The following PCSK1 variants were observed in gnomAD, a reference collection of about 807,000 sequenced individuals.
PCSK1 encodes the protein proprotein convertase subtilisin/kexin type 1.
PCSK1 carries 56 observed loss-of-function variants against 90.6 expected under a neutral mutation model. The ratio of observed to expected loss-of-function variants is 0.62; its 90% confidence interval spans 0.50 to 0.77. The LOEUF is 0.77. PCSK1 is among the 30% of genes least tolerant of loss of function. The pLI is 0.00. For synonymous variants in PCSK1, 348 were observed against 342.4 expected, an observed-to-expected ratio of 1.02 and a Z score of -0.18; for missense variants, 801 against 932.6, an observed-to-expected ratio of 0.86 and a Z score of 1.84.
At chr5:96,397,810 A>C (rs1760211199) in intron 11 of PCSK1, among the ~76,000 whole-genome samples, 1 of 152,172 alleles carries the variant, frequency 6.6e-6, no homozygotes, top group South Asian at 2.1e-4. Context: ...AGAGTCAAAA[A>C]TCTAAAAATA....
intron 8 of PCSK1, 50 bp downstream of exon 8, chr5:96,410,724 A>G (rs1760725895): frequency 7.0e-7 from 1 of 1,422,756 alleles, no homozygotes; most frequent in Non-Finnish European, 9.9e-7. Context: ...TTTCACATGC[A>G]TGCCACGCTC....
intron 13 of PCSK1, 134 bp downstream of exon 13, chr5:96,394,730 T>A (rs1429881350): frequency 1.5e-5 from 12 of 793,382 alleles, no homozygotes; most frequent in Admixed American, 1.8e-5. Context: ...AAAAGAATAG[T>A]TTACCACTAT....
chr5:96,398,797 T>C, intron 11 of PCSK1, 82 bp downstream of exon 11: 1 of 1,139,890 alleles, frequency 8.8e-7, no homozygotes. Flanking sequence ...CTTTGTTCTA[T>C]GAATAAACAA....
At chr5:96,395,710 C>T (rs1158430496) in intron 12 of PCSK1, among the ~76,000 whole-genome samples, 1 of 152,080 alleles carries the variant, frequency 6.6e-6, no homozygotes, top group Non-Finnish European at 1.5e-5. Context: ...TTGATGGGTG[C>T]AGCAAACCAC....
At chr5:96,425,067 A>AGAAAGAAAGAAG in intron 3 of PCSK1, among the ~76,000 whole-genome samples, 1 of 146,984 alleles carries the variant, frequency 6.8e-6, no homozygotes, top group Admixed American at 6.8e-5. Flanking sequence ...AAAGAAAGAA[A>AGAAAGAAAGAAG]GAAAGAAAAC....
At chr5:96,414,795 T>C (rs1160289125) in intron 6 of PCSK1, among the ~76,000 whole-genome samples, 1 of 152,238 alleles carries the variant, frequency 6.6e-6, no homozygotes, top group East Asian at 1.9e-4. Flanking sequence ...ATTACATAAT[T>C]TGTGCTTCTC....
At chr5:96,431,183 T>A (rs1761481566) in intron 1 of PCSK1, among the ~76,000 whole-genome samples, 1 of 152,174 alleles carries the variant, frequency 6.6e-6, no homozygotes, top group Non-Finnish European at 1.5e-5. Context: ...ACTCATACCC[T>A]CTTTGGGTCT....
rs1760026840 is a variant in PCSK1 at position 96,393,470 on chromosome 5, G to A, written c.1885-92C>T. On this transcript the variant is annotated intron_variant, in intron 13 of 13. Transcript: ENST00000311106. Reference sequence around the variant, plus strand: ...CAACCCTACCACAGGAACGCTGCCTGCCGCTTGAGAGGCAATGAGGGGAGG... The same window carrying A: ...CAACCCTACCACAGGAACGCTGCCTACCGCTTGAGAGGCAATGAGGGGAGG... 3 of 1,456,122 alleles carry A rather than the reference G, an allele frequency of 2.1e-6. No homozygotes were observed. The South Asian group carries it at 3.5e-5, about 17-fold the overall frequency. The allele number at this position is 1,456,122 out of a possible 1,614,324, so 90.2% of individuals were successfully genotyped here. A position where few individuals can be genotyped will look rare whatever the true frequency, so the allele number is the denominator to read the frequency against.
At chr5:96,405,156 G>T (rs1288153925) in intron 9 of PCSK1, among the ~76,000 whole-genome samples, 1 of 152,128 alleles carries the variant, frequency 6.6e-6, no homozygotes, top group Admixed American at 6.5e-5. Flanking sequence ...ATGTACCTTG[G>T]CAGTAAGGAT....
In PCSK1 at chr5:96,412,277, G is replaced by T. The variant is rs116717033; in HGVS notation, c.882+41C>A. 5,818 of 1,514,236 alleles carry T rather than the reference G, an allele frequency of 3.8e-3. 185 individuals are homozygous for T. In the African/African-American group the frequency reaches 0.07, roughly 18 times the overall value. 93.8% of individuals were successfully genotyped at this position (1,514,236 alleles called of 1,614,324 possible). On this transcript the variant is annotated intron_variant, in intron 7 of 13. Transcript: ENST00000311106. Reference sequence around the variant, plus strand: ...CTTTCCTTCTCCTCATATCCAGATGGTCAGGTTTCATTTCATGTGGGTCTG... The same window carrying T: ...CTTTCCTTCTCCTCATATCCAGATGTTCAGGTTTCATTTCATGTGGGTCTG...
At chr5:96,403,835 G>T (rs1486844105) in intron 9 of PCSK1, among the ~76,000 whole-genome samples, 1 of 152,060 alleles carries the variant, frequency 6.6e-6, no homozygotes, top group African/African-American at 2.4e-5. Flanking sequence ...AGACTTTTTT[G>T]TTGTGATTTT....
intron 2 of PCSK1, among the ~76,000 whole-genome samples, chr5:96,427,911 G>C (rs1308855600): frequency 6.6e-6 from 1 of 152,156 alleles, no homozygotes; most frequent in Non-Finnish European, 1.5e-5. Context: ...AGTAAGGGAA[G>C]ACCTCAGTGG....
chr5:96,425,005 AAGAAAAGAAAGAAAGAAAGAAAG>A (rs1561376187), intron 3 of PCSK1, among the ~76,000 whole-genome samples: 3 of 128,702 alleles, frequency 2.3e-5, no homozygotes, highest in African/African-American at 1.0e-4. Flanking sequence ...AAGAGAAAGA[AAGAAAAGAAAGAAAGAAAGAAAG>A]AAAGAAAGAA....
Position 96,408,294 on chromosome 5 carries a change from C to G in PCSK1, c.1125G>C (p.Thr375=). Residue 375 remains threonine (T), a synonymous_variant, in exon 9 of 14, where the codon ACG becomes ACC. Coordinates refer to ENST00000311106, the MANE Select transcript of PCSK1 (RefSeq NM_000439.5). ...ITSADLHNDC[T]ETHTGTSASA... is the part of the protein sequence containing the mutation. ...AGGCCGAGGTGCCTGTGTGCGTCTCCGTGCAGTCATTGTGCAGGTCAGCGC... is the reference window on the plus strand; with the variant it reads ...AGGCCGAGGTGCCTGTGTGCGTCTCGGTGCAGTCATTGTGCAGGTCAGCGC... The G allele has an allele frequency of 1.2e-6, 2 of 1,613,992 alleles. No homozygotes were observed. Among genetic ancestry groups the G allele is most frequent in the Non-Finnish European group, 1.7e-6 (2 of 1,179,944 alleles).
intron 9 of PCSK1, among the ~76,000 whole-genome samples, chr5:96,404,475 C>T (rs1760489432): frequency 6.6e-6 from 1 of 152,184 alleles, no homozygotes; most frequent in Admixed American, 6.5e-5. Flanking sequence ...GCATATTCAG[C>T]CAGAAACCAT....
intron 12 of PCSK1, among the ~76,000 whole-genome samples, chr5:96,396,285 G>C (rs1431436872): frequency 2.0e-5 from 3 of 152,178 alleles, no homozygotes; most frequent in Non-Finnish European, 4.4e-5. Context: ...TCTAGGCCGG[G>C]TGTGGTGGCT....
At chr5:96,423,529 C>T in intron 3 of PCSK1, 70 bp from the exon 4 acceptor site, 1 of 1,389,092 alleles carries the variant, frequency 7.2e-7, no homozygotes, top group Non-Finnish European at 1.0e-6. Flanking sequence ...CACTTCAGTT[C>T]CAACCTGGAG....
chr5:96,432,741 C>T (rs2112455178), intron 1 of PCSK1, 122 bp downstream of exon 1: 1 of 772,902 alleles, frequency 1.3e-6, no homozygotes, highest in Non-Finnish European at 2.2e-6. Flanking sequence ...GGAGCAGCTC[C>T]TTGCTCTTTG....
chr5:96,395,082 C>T (rs965417230), intron 12 of PCSK1, 57 bp from the exon 13 acceptor site: 3 of 1,290,596 alleles, frequency 2.3e-6, no homozygotes, highest in Non-Finnish European at 3.4e-6. Context: ...AAAACAAACT[C>T]ATTCAAAATA....
Sources: gnomAD v4.1 joint callset for allele counts (sites outside exome capture counted in the v4.1 genomes callset) on GRCh38, gnomAD v4.1.1 for gene constraint, MANE v1.5 for transcripts, NCBI Gene and HGNC (gene_info 2026-07-23, HGNC 2026-07-21) for gene names.